COL5A2: variants seen among roughly 807,000 people sequenced by gnomAD.
COL5A2 encodes the protein collagen type V alpha 2 chain, also known as collagen alpha-2(V) chain.
A neutral mutation model predicts 208.2 loss-of-function variants in COL5A2; 23 were observed. The observed-to-expected ratio is 0.11, with a 90% CI of 0.08 to 0.16. The LOEUF (loss-of-function observed/expected upper bound fraction) is 0.16. Among genes scored for constraint, COL5A2 ranks in the 10% least tolerant of loss-of-function variants. The pLI, the probability that COL5A2 is intolerant of heterozygous loss-of-function variation, is 1.00. For missense variants in COL5A2, 1,590 were observed against 1,956.4 expected (o/e 0.81, Z 3.53); for synonymous variants, 625 against 628.5 (o/e 0.99, Z 0.08).
chr2:189,354,227 T>G, the COL5A2 span, among the ~76,000 whole-genome samples: 1 of 152,176 alleles, frequency 6.6e-6, no homozygotes, highest in African/African-American at 2.4e-5. Flanking sequence ...TCAGGGATAT[T>G]GGCCTGAAAT....
intron 1 of COL5A2, among the ~76,000 whole-genome samples, chr2:189,139,176 G>A (rs892583421): frequency 2.0e-5 from 3 of 152,152 alleles, no homozygotes; most frequent in East Asian, 1.9e-4. Flanking sequence ...TTGGGAGGCC[G>A]AGGCAGGAGA....
intron 7 of COL5A2, among the ~76,000 whole-genome samples, chr2:189,091,848 T>A (rs1686792957): frequency 6.6e-6 from 1 of 152,182 alleles, no homozygotes; most frequent in Non-Finnish European, 1.5e-5. Context: ...GTAAAAAAAC[T>A]AAAATTGAAG....
the COL5A2 span, among the ~76,000 whole-genome samples, chr2:189,275,600 C>T: frequency 1.1e-4 from 17 of 151,818 alleles, no homozygotes; most frequent in South Asian, 1.5e-3. Context: ...ATTACAGGCA[C>T]GCGCCACCAC....
intron 1 of COL5A2, among the ~76,000 whole-genome samples, chr2:189,196,881 C>T (rs181965778): frequency 1.3e-5 from 2 of 152,214 alleles, no homozygotes; most frequent in Admixed American, 1.3e-4. Flanking sequence ...TTGTGAAAGA[C>T]AGTGTGGCGA....
chr2:189,222,614 C>G (rs866625949), intron 1 of COL5A2, among the ~76,000 whole-genome samples: 1 of 152,032 alleles, frequency 6.6e-6, no homozygotes, highest in Non-Finnish European at 1.5e-5. Flanking sequence ...GGGTAATTTC[C>G]TTCTTAGGCT....
At chr2:189,405,586 A>G in the COL5A2 span, among the ~76,000 whole-genome samples, 1 of 152,196 alleles carries the variant, frequency 6.6e-6, no homozygotes, top group Admixed American at 6.5e-5. Context: ...AGATTATTGC[A>G]TTCTGTAGAC....
At chr2:189,193,068 C>T (rs966455236) in intron 1 of COL5A2, among the ~76,000 whole-genome samples, 1 of 152,246 alleles carries the variant, frequency 6.6e-6, no homozygotes, top group Non-Finnish European at 1.5e-5. Context: ...AAGAAGGCCC[C>T]TGCCAGATGC....
chr2:189,191,148 A>AAC (rs1553526739), intron 1 of COL5A2, among the ~76,000 whole-genome samples: 2 of 65,958 alleles, frequency 3.0e-5, no homozygotes, highest in Admixed American at 1.5e-4. Flanking sequence ...CATAAAAAAA[A>AAC]AAACAAAAAA....
chr2:189,252,668 G>A, the COL5A2 span, among the ~76,000 whole-genome samples: 3 of 152,014 alleles, frequency 2.0e-5, no homozygotes, highest in Admixed American at 6.6e-5. Context: ...AGTAAATGAC[G>A]AGTTAAGGGG....
the COL5A2 span, among the ~76,000 whole-genome samples, chr2:189,438,623 G>C: frequency 6.6e-6 from 1 of 152,110 alleles, no homozygotes; most frequent in African/African-American, 2.4e-5. Context: ...TTCTGGAAAA[G>C]GCAAAACTAG....
intron 1 of COL5A2, among the ~76,000 whole-genome samples, chr2:189,134,694 T>C (rs890479981): frequency 6.6e-6 from 1 of 152,202 alleles, no homozygotes; most frequent in African/African-American, 2.4e-5. Flanking sequence ...AATGCCTTCC[T>C]GGAATTTGAG....
the COL5A2 span, among the ~76,000 whole-genome samples, chr2:189,299,469 G>A: frequency 0.018 from 2,705 of 152,248 alleles, 60 homozygotes; most frequent in Non-Finnish European, 0.025. Flanking sequence ...AAGAAGAACT[G>A]CTGAGATCTG....
intron 1 of COL5A2, among the ~76,000 whole-genome samples, chr2:189,131,375 T>C (rs1470955562): frequency 1.3e-5 from 2 of 152,328 alleles, no homozygotes; most frequent in East Asian, 1.9e-4. Context: ...AAGGTTTTTT[T>C]CTTCTTAAAC....
At chr2:189,083,853 T>G in intron 12 of COL5A2, 131 bp downstream of exon 12, 1 of 737,830 alleles carries the variant, frequency 1.4e-6, no homozygotes. Flanking sequence ...CATTTTACAT[T>G]TTTACGGAAA....
Position 189,050,602 on chromosome 2 carries a change from T to A in COL5A2, c.3006A>T (p.Gly1002=), listed in dbSNP as rs756259584. 25 of 1,551,988 alleles carry A rather than the reference T, an allele frequency of 1.6e-5. No individual in the cohort carries two copies. Among genetic ancestry groups the A allele is most frequent in the Non-Finnish European group, 3.5e-6 (4 of 1,147,216 alleles). The change falls in exon 43 of 54, where the codon GGA becomes GGT. Residue 1002 remains glycine, a synonymous_variant. Transcript: ENST00000374866. ...RGIVGMPGQR[G]ERGMPGLPGP... is the part of the protein sequence containing the mutation. ...CTGGTAGGCCGGGCATGCCTCTCTCTCCACGTTGCCCAGGCATGCCAACAA... is the reference window on the plus strand; with the variant it reads ...CTGGTAGGCCGGGCATGCCTCTCTCACCACGTTGCCCAGGCATGCCAACAA...
Position 189,050,586 on chromosome 2 carries a change from C to A in COL5A2, c.3022G>T (p.Gly1008Cys). ...CTACTCACCGCTGGGCCTGGTAGGC[C>A]GGGCATGCCTCTCTCTCCACGTTGC... ...PGQRGERGMP[G>C]LPGPAGTPGK... The change falls in exon 43 of 54, where the codon GGC becomes TGC. Residue 1008 changes from glycine to cysteine, a missense_variant. Gly to Cys is a radical substitution (Grantham distance 159). Transcript: ENST00000374866. 1 of 1,551,588 alleles carries A rather than the reference C, an allele frequency of 6.4e-7. No homozygotes were observed. Among genetic ancestry groups the A allele is most frequent in the South Asian group, 1.2e-5 (1 of 84,064 alleles).
At chr2:189,053,978 C>T (rs1488379097) in intron 36 of COL5A2, 30 bp from the exon 37 acceptor site, 3 of 1,604,248 alleles carry the variant, frequency 1.9e-6, no homozygotes, top group African/African-American at 1.3e-5. Context: ...TGGTTACTGT[C>T]CAAAACAGTA....
At chr2:189,286,664 C>T in the COL5A2 span, among the ~76,000 whole-genome samples, 1 of 152,094 alleles carries the variant, frequency 6.6e-6, no homozygotes, top group Non-Finnish European at 1.5e-5. Context: ...TTTTAAGAGA[C>T]TTTATGGCAC....
chr2:189,240,871 A>C, the COL5A2 span, among the ~76,000 whole-genome samples: 1 of 152,234 alleles, frequency 6.6e-6, no homozygotes, highest in Non-Finnish European at 1.5e-5. Context: ...TAAGACATAA[A>C]AGGAAAATCT....
Sources: allele counts gnomAD v4.1 joint callset (sites outside exome capture counted in the v4.1 genomes callset), GRCh38; gene constraint gnomAD v4.1.1; transcripts MANE v1.5; gene names NCBI Gene and HGNC (gene_info 2026-07-23, HGNC 2026-07-21).